Variants in FYB2 observed in about 807,000 individuals in gnomAD.
The protein encoded by FYB2 is FYN binding protein 2, also known as FYN-binding protein 2.
FYB2 carries 103 observed loss-of-function variants against 94.1 expected under a neutral mutation model. That is an observed-to-expected ratio of 1.09 (90% confidence interval 0.93 to 1.29). The LOEUF (loss-of-function observed/expected upper bound fraction) is 1.29. FYB2 is among the 50% of genes most tolerant of loss of function. The pLI is 0.00. For missense variants in FYB2, 896 were observed against 841.5 expected, an observed-to-expected ratio of 1.06 and a Z score of -0.80; for synonymous variants, 293 against 287.9, an observed-to-expected ratio of 1.02 and a Z score of -0.18.
chr1:56,811,755 CCAAACAAACAAA>C (rs10574325), intron 1 of FYB2, among the ~76,000 whole-genome samples: 3 of 144,696 alleles, frequency 2.1e-5, no homozygotes, highest in Admixed American at 7.0e-5. Flanking sequence ...TTGTAATGGA[CCAAACAAACAAA>C]CAAACAAACA....
chr1:56,811,992 C>T (rs1310755413), intron 1 of FYB2, among the ~76,000 whole-genome samples: 1 of 152,072 alleles, frequency 6.6e-6, no homozygotes, highest in South Asian at 2.1e-4. Flanking sequence ...AAGCCATTGG[C>T]TAATTCATCA....
chr1:56,749,353 C>A (rs6666850), intron 9 of FYB2, among the ~76,000 whole-genome samples: 3 of 151,544 alleles, frequency 2.0e-5, no homozygotes, highest in Admixed American at 2.0e-4. Context: ...TTTCACTTTA[C>A]CTTCCATGAC....
chr1:56,780,293 T>C (rs1401412917), intron 4 of FYB2, among the ~76,000 whole-genome samples: 1 of 152,154 alleles, frequency 6.6e-6, no homozygotes, highest in Non-Finnish European at 1.5e-5. Context: ...ATATTTTAGC[T>C]CCACCCTAGG....
At chr1:56,813,285 C>T (rs1646808073) in intron 1 of FYB2, among the ~76,000 whole-genome samples, 1 of 152,126 alleles carries the variant, frequency 6.6e-6, no homozygotes, top group Admixed American at 6.5e-5. Flanking sequence ...TAATGGACTC[C>T]CAGTTCCACA....
At chr1:56,797,691 T>C (rs1192451645) in intron 1 of FYB2, among the ~76,000 whole-genome samples, 3 of 152,208 alleles carry the variant, frequency 2.0e-5, no homozygotes, top group Non-Finnish European at 4.4e-5. Context: ...ACTGCCCCAT[T>C]CCCTTAGCTC....
intron 17 of FYB2, among the ~76,000 whole-genome samples, chr1:56,723,279 T>C (rs1266697043): frequency 6.6e-6 from 1 of 151,692 alleles, no homozygotes; most frequent in African/African-American, 2.4e-5. Context: ...AAAAGACGTG[T>C]AAAATAGACA....
upstream of FYB2, chr1:56,823,572 C>T (rs567693682): frequency 2.6e-5 from 4 of 152,168 alleles, no homozygotes; most frequent in Non-Finnish European, 5.9e-5. Context: ...GAATGAAGCT[C>T]GCATCTCAAT....
At chr1:56,797,792 T>C (rs1646433517) in intron 1 of FYB2, among the ~76,000 whole-genome samples, 1 of 152,224 alleles carries the variant, frequency 6.6e-6, no homozygotes, top group South Asian at 2.1e-4. Flanking sequence ...CAGGTTTGAG[T>C]ATCTGCAACG....
intron 1 of FYB2, among the ~76,000 whole-genome samples, chr1:56,801,286 C>T (rs1193738317): frequency 3.9e-5 from 6 of 152,178 alleles, no homozygotes; most frequent in Admixed American, 6.5e-5. Flanking sequence ...TTTCTTAGCT[C>T]ATCACTGCTG....
chr1:56,810,834 T>A (rs1305451703), intron 1 of FYB2, among the ~76,000 whole-genome samples: 1 of 152,226 alleles, frequency 6.6e-6, no homozygotes, highest in Admixed American at 6.5e-5. Flanking sequence ...CAGGTGATGT[T>A]GTCATTTTTC....
chr1:56,720,013 A>G lies in FYB2; in HGVS notation c.2165+9T>C, dbSNP rs1644455369. On this transcript the variant is annotated intron_variant, in intron 19 of 19. Coordinates refer to ENST00000343433, the MANE Select transcript of FYB2 (RefSeq NM_001004303.5). ...CTCATGATTTAAAGTATAAAATCAA[A>G]CAGCTTACTTGAAATCTAGATGTTC... is the stretch of plus-strand genomic sequence containing the variant. 1 of 1,592,646 alleles carries G rather than the reference A, an allele frequency of 6.3e-7. No individual in the cohort carries two copies. Among genetic ancestry groups the G allele is most frequent in the Non-Finnish European group, 8.6e-7 (1 of 1,168,644 alleles).
At chr1:56,788,611 T>C (rs1646184649) in intron 3 of FYB2, among the ~76,000 whole-genome samples, 1 of 152,156 alleles carries the variant, frequency 6.6e-6, no homozygotes, top group South Asian at 2.1e-4. Context: ...ACTTTCTCCC[T>C]TTTCACTCCC....
chr1:56,782,053 G>T (rs145028082), intron 4 of FYB2, among the ~76,000 whole-genome samples: 1 of 152,038 alleles, frequency 6.6e-6, no homozygotes, highest in Non-Finnish European at 1.5e-5. Flanking sequence ...ACATTCGTAC[G>T]ATGTGTAAAG....
intron 12 of FYB2, 114 bp from the exon 13 acceptor site, chr1:56,740,909 A>T (rs1490649507): frequency 3.2e-6 from 2 of 631,270 alleles, no homozygotes; most frequent in African/African-American, 3.8e-5. Context: ...GTGGGAGCTA[A>T]ACAATAGGTA....
Position 56,818,455 on chromosome 1 carries a change from AACACACACACACACACACACACAC to A in FYB2, c.9+803_9+826del, listed in dbSNP as rs3991685. On this transcript the variant is annotated intron_variant, in intron 1 of 19. Coordinates refer to ENST00000343433, the MANE Select transcript of FYB2 (RefSeq NM_001004303.5). ...AATATATAATAAAAAGTATGGAAGCAACACACACACACACACACACACACACACACACACACACACACACATGCA... is the reference window on the plus strand; with the variant it reads ...AATATATAATAAAAAGTATGGAAGCAACACACACACACACACACACATGCA... 1.5e-3 allele frequency among the ~76,000 whole-genome samples: 212 copies of A among 139,964 alleles called. 2 individuals carry two copies. Among genetic ancestry groups the A allele is most frequent in the African/African-American group, 5.2e-3 (196 of 37,372 alleles). The allele number at this position is 139,964 out of a possible 152,430, so 91.8% of individuals were successfully genotyped here.
At chr1:56,791,380 C>G (rs930810529) in intron 2 of FYB2, among the ~76,000 whole-genome samples, 1 of 152,024 alleles carries the variant, frequency 6.6e-6, no homozygotes, top group South Asian at 2.1e-4. Flanking sequence ...CTCAGCTTCC[C>G]GAGTAGCTGG....
chr1:56,746,360 T>C (rs1236714661), intron 9 of FYB2, among the ~76,000 whole-genome samples: 1 of 152,012 alleles, frequency 6.6e-6, no homozygotes, highest in Non-Finnish European at 1.5e-5. Flanking sequence ...TCTTAGTACA[T>C]ATTTTTATTT....
At chr1:56,737,044 G>C in intron 15 of FYB2, 43 bp downstream of exon 15, 1 of 1,403,118 alleles carries the variant, frequency 7.1e-7, no homozygotes, top group East Asian at 2.3e-5. Flanking sequence ...TCAGGAAATG[G>C]GTCAAATATC....
At chr1:56,825,204 A>G in the FYB2 span, 1 of 152,228 alleles carries the variant, frequency 6.6e-6, no homozygotes. Flanking sequence ...CCAGCTAATA[A>G]AGAAGGCAGG....
Sources: allele counts gnomAD v4.1 joint callset (sites outside exome capture counted in the v4.1 genomes callset), GRCh38; gene constraint gnomAD v4.1.1; transcripts MANE v1.5; gene names NCBI Gene and HGNC (gene_info 2026-07-23, HGNC 2026-07-21).